Variants in FBXL7 observed in about 807,000 individuals in gnomAD.
The protein encoded by FBXL7 is F-box/LRR-repeat protein 7.
Under a neutral mutation model 38.3 loss-of-function variants are expected in FBXL7, and 12 were observed. The ratio of observed to expected loss-of-function variants is 0.31; its 90% CI spans 0.20 to 0.51. The LOEUF (loss-of-function observed/expected upper bound fraction) is 0.51. FBXL7 is among the 20% of genes least tolerant of loss of function. The pLI is 0.98. For synonymous variants in FBXL7, 297 were observed against 300.9 expected (o/e 0.99, Z 0.13); for missense variants, 567 against 676.4 (o/e 0.84, Z 1.79).
chr5:15,508,202 T>C (rs1313353229), intron 1 of FBXL7, among the ~76,000 whole-genome samples: 2 of 152,182 alleles, frequency 1.3e-5, no homozygotes, highest in African/African-American at 4.8e-5. Flanking sequence ...AATGAAGTAC[T>C]GAATATCTTC....
chr5:15,698,812 T>A (rs187373187), intron 2 of FBXL7, among the ~76,000 whole-genome samples: 1 of 152,300 alleles, frequency 6.6e-6, no homozygotes, highest in Admixed American at 6.5e-5. Flanking sequence ...TGACGCTTAG[T>A]TAACTCCGAA....
rs548569479 is a variant in FBXL7, at chr5:15,626,099, A to G, written c.127+10027A>G. Among the ~76,000 whole-genome samples the G allele has an allele frequency of 1.6e-4, 24 of 152,300 alleles. No homozygotes were observed. In the East Asian group the frequency reaches 4.0e-3, roughly 26 times the overall value. ...TCTTTAAAAATTAAATTTTAAACTT[A>G]ACTATCTTTGGAATTCTCAGGATCA... is the stretch of plus-strand genomic sequence containing the variant. On this transcript the variant is annotated intron_variant, in intron 2 of 3. Transcript: ENST00000504595.
intron 2 of FBXL7, among the ~76,000 whole-genome samples, chr5:15,745,998 T>A (rs1561109796): frequency 6.6e-6 from 1 of 152,128 alleles, no homozygotes; most frequent in East Asian, 1.9e-4. Context: ...GGATAGTCAT[T>A]TGAACTGGAA....
intron 2 of FBXL7, among the ~76,000 whole-genome samples, chr5:15,806,959 C>T (rs1011493400): frequency 1.3e-5 from 2 of 150,984 alleles, no homozygotes; most frequent in Non-Finnish European, 2.9e-5. Flanking sequence ...TTTTCTTTTC[C>T]TTTTTTTTGA....
At chr5:15,814,921 T>C (rs955500111) in intron 2 of FBXL7, among the ~76,000 whole-genome samples, 2 of 152,146 alleles carry the variant, frequency 1.3e-5, no homozygotes, top group Admixed American at 1.3e-4. Flanking sequence ...TGCATTTCAC[T>C]AGTGTTGTTT....
intron 1 of FBXL7, among the ~76,000 whole-genome samples, chr5:15,613,821 G>A (rs1370047481): frequency 6.6e-6 from 1 of 152,090 alleles, no homozygotes; most frequent in Admixed American, 6.5e-5. Flanking sequence ...TAGACTGGGG[G>A]GCTTATAAAC....
chr5:15,665,953 A>G lies in FBXL7; in HGVS notation c.127+49881A>G, dbSNP rs6885995. Among the ~76,000 whole-genome samples the G allele has an allele frequency of 2.7e-3, 411 of 152,284 alleles. 2 individuals are homozygous for G. Among genetic ancestry groups the G allele is most frequent in the African/African-American group, 9.4e-3 (391 of 41,564 alleles). ...GATCTGTATCTATATAAAGTGAACT[A>G]TAGAATCAGGATCTATATCTATACA... On this transcript the variant is annotated intron_variant, in intron 2 of 3. Coordinates refer to ENST00000504595, the MANE Select transcript of FBXL7 (RefSeq NM_012304.5).
chr5:15,808,794 T>G (rs574261244), intron 2 of FBXL7, among the ~76,000 whole-genome samples: 1 of 152,134 alleles, frequency 6.6e-6, no homozygotes, highest in Non-Finnish European at 1.5e-5. Flanking sequence ...GGACTCGGGG[T>G]GTGCAATCTA....
intron 2 of FBXL7, among the ~76,000 whole-genome samples, chr5:15,870,868 C>T (rs887088525): frequency 8.5e-5 from 13 of 152,218 alleles, no homozygotes; most frequent in Middle Eastern, 3.4e-3. Context: ...GGGGAAGGGG[C>T]GGCTGTGGGC....
chr5:15,710,375 C>T (rs1019292046), intron 2 of FBXL7, among the ~76,000 whole-genome samples: 2 of 152,056 alleles, frequency 1.3e-5, no homozygotes, highest in African/African-American at 2.4e-5. Flanking sequence ...TCTGCATTTG[C>T]TGCTCCATCT....
intron 2 of FBXL7, among the ~76,000 whole-genome samples, chr5:15,750,911 C>A (rs1736137492): frequency 6.6e-6 from 1 of 152,202 alleles, no homozygotes. Context: ...GGGACTGACA[C>A]TTGGTCTACC....
chr5:15,747,020 T>C (rs550830330), intron 2 of FBXL7, among the ~76,000 whole-genome samples: 1 of 152,244 alleles, frequency 6.6e-6, no homozygotes, highest in South Asian at 2.1e-4. Context: ...AGAGAGTGCT[T>C]GTTCATGGAT....
chr5:15,807,015 A>G (rs111588414), intron 2 of FBXL7, among the ~76,000 whole-genome samples: 6,173 of 152,052 alleles, frequency 0.041, 421 homozygotes, highest in African/African-American at 0.14. Flanking sequence ...CAAATGGCAC[A>G]ATCTCAGCTT....
At chr5:15,771,667 G>T (rs1342355955) in intron 2 of FBXL7, among the ~76,000 whole-genome samples, 1 of 151,978 alleles carries the variant, frequency 6.6e-6, no homozygotes, top group Non-Finnish European at 1.5e-5. Context: ...GGTACAGTCT[G>T]ACATAGTACT....
At chr5:15,593,938 T>A (rs1739548559) in intron 1 of FBXL7, among the ~76,000 whole-genome samples, 1 of 152,190 alleles carries the variant, frequency 6.6e-6, no homozygotes, top group Non-Finnish European at 1.5e-5. Flanking sequence ...TATAATTAGT[T>A]TGAACCATAT....
Position 15,762,862 on chromosome 5 carries a change from G to T in FBXL7, c.127+146790G>T, listed in dbSNP as rs542097510. Among the ~76,000 whole-genome samples, 3 of 152,268 alleles carry T rather than the reference G, an allele frequency of 2.0e-5. 1 individual carries two copies. The highest frequency in any genetic ancestry group is 1.3e-4 in the Admixed American group (2 of 15,294). ...GTTTATGCTAATTGAATTGAGCCTTGATAATTTATGACCCTCGTGTAAAAT... is the reference window on the plus strand; with the variant it reads ...GTTTATGCTAATTGAATTGAGCCTTTATAATTTATGACCCTCGTGTAAAAT... On this transcript the variant is annotated intron_variant, in intron 2 of 3. Coordinates refer to ENST00000504595, the MANE Select transcript of FBXL7 (RefSeq NM_012304.5).
In FBXL7 at chr5:15,726,403, T is replaced by G. The variant is rs62350563; in HGVS notation, c.127+110331T>G. On this transcript the variant is annotated intron_variant, in intron 2 of 3. Transcript: ENST00000504595. ...TGTGAGTAGCCACTACACCTCATCC[T>G]GGGCAACATAGTGAGACATCGCCCC... 3.6e-3 allele frequency among the ~76,000 whole-genome samples: 550 copies of G among 152,234 alleles called. 2 individuals carry two copies. The highest frequency in any genetic ancestry group is 5.3e-3 in the Non-Finnish European group (358 of 68,014).
At chr5:15,893,920 G>C (rs1741012746) in intron 2 of FBXL7, among the ~76,000 whole-genome samples, 1 of 152,228 alleles carries the variant, frequency 6.6e-6, no homozygotes, top group African/African-American at 2.4e-5. Flanking sequence ...CAGTCCATCA[G>C]GTAGGGCTAT....
chr5:15,843,120 G>C (rs1456190878), intron 2 of FBXL7, among the ~76,000 whole-genome samples: 1 of 151,676 alleles, frequency 6.6e-6, no homozygotes, highest in East Asian at 1.9e-4. Flanking sequence ...TATCTCTCTT[G>C]TTTATTTCCT....
Sources: allele counts gnomAD v4.1 joint callset (sites outside exome capture counted in the v4.1 genomes callset), GRCh38; gene constraint gnomAD v4.1.1; transcripts MANE v1.5; gene names NCBI Gene and HGNC (gene_info 2026-07-23, HGNC 2026-07-21).